Variants in PTPRN2 observed in about 807,000 individuals in gnomAD.
PTPRN2 encodes protein tyrosine phosphatase receptor type N2.
PTPRN2 carries 74 observed loss-of-function variants against 118.8 expected under a neutral mutation model. That is an observed-to-expected ratio of 0.62 (90% CI 0.52 to 0.76). The LOEUF (loss-of-function observed/expected upper bound fraction) is 0.76. Ranked by LOEUF, PTPRN2 falls within the 30% of genes least tolerant of loss-of-function variation. The pLI is 0.00. For synonymous variants in PTPRN2, 641 were observed against 608.0 expected, an observed-to-expected ratio of 1.05 and a Z score of -0.80; for missense variants, 1,481 against 1,394.4, an observed-to-expected ratio of 1.06 and a Z score of -0.99.
At chr7:157,840,048 AGT>A (rs1170882932) in intron 12 of PTPRN2, among the ~76,000 whole-genome samples, 2 of 131,664 alleles carry the variant, frequency 1.5e-5, no homozygotes, top group Admixed American at 1.6e-4. Flanking sequence ...GACCACATGG[AGT>A]GTGTGTGACT....
chr7:158,397,663 A>G (rs912278249), intron 2 of PTPRN2, among the ~76,000 whole-genome samples: 2 of 151,644 alleles, frequency 1.3e-5, no homozygotes, highest in Non-Finnish European at 1.5e-5. Context: ...CCCCCCAGTC[A>G]CTCTGTGCCT....
chr7:157,733,309 T>C (rs1194268758), intron 12 of PTPRN2, among the ~76,000 whole-genome samples: 5 of 34,392 alleles, frequency 1.5e-4, no homozygotes, highest in Admixed American at 2.7e-4. Flanking sequence ...CCCTTTCCCG[T>C]CCCACGCGCC....
intron 5 of PTPRN2, among the ~76,000 whole-genome samples, chr7:158,188,534 C>T (rs1237677959): frequency 1.5e-5 from 1 of 66,730 alleles, no homozygotes; most frequent in Non-Finnish European, 2.7e-5. Flanking sequence ...CGCTCGCCGC[C>T]TGATGGGGAA....
intron 12 of PTPRN2, among the ~76,000 whole-genome samples, chr7:157,889,639 C>T (rs1296902562): frequency 1.3e-5 from 2 of 152,226 alleles, no homozygotes; most frequent in South Asian, 2.1e-4. Flanking sequence ...CATGCATGCC[C>T]GTGTCTCCCC....
intron 9 of PTPRN2, among the ~76,000 whole-genome samples, chr7:158,113,551 A>G (rs944910562): frequency 6.6e-6 from 1 of 152,080 alleles, no homozygotes; most frequent in Non-Finnish European, 1.5e-5. Flanking sequence ...CATGACTTAC[A>G]CTCAGGGACC....
chr7:158,065,594 GGGCTGCCACCACCACAC>G (rs2128910489), intron 11 of PTPRN2, among the ~76,000 whole-genome samples: 1 of 152,314 alleles, frequency 6.6e-6, no homozygotes, highest in Admixed American at 6.5e-5. Flanking sequence ...GGGAGGGCAG[GGGCTGCCACCACCACAC>G]GGCCCCCACG....
intron 11 of PTPRN2, among the ~76,000 whole-genome samples, chr7:158,043,073 G>A (rs556082362): frequency 8.5e-5 from 13 of 152,226 alleles, no homozygotes; most frequent in South Asian, 4.2e-4. Context: ...CCTGATGGGC[G>A]TGGTGGCCAT....
At chr7:158,417,469 G>GTGTA (rs989298569) in intron 2 of PTPRN2, among the ~76,000 whole-genome samples, 8 of 149,254 alleles carry the variant, frequency 5.4e-5, no homozygotes, top group African/African-American at 2.0e-4. Context: ...TGTTGTCATG[G>GTGTA]TGTACTACAT....
rs1169044626 is a variant in PTPRN2, at chr7:158,570,672, T to A, written c.112+16886A>T. On this transcript the variant is annotated intron_variant, in intron 1 of 22. Transcript: ENST00000389418. This position sits in a 1 kb window ranked among gnomAD's most constrained non-coding sequence, Gnocchi z 4.5. ...CGGCGTGTCTCCGCCGTAACACGTGTATACCGGCTCAGCACGCGGCTGGGT... is the reference window on the plus strand; with the variant it reads ...CGGCGTGTCTCCGCCGTAACACGTGAATACCGGCTCAGCACGCGGCTGGGT... Among the ~76,000 whole-genome samples the A allele has an allele frequency of 6.6e-6, 1 of 152,226 alleles. No homozygotes were observed. Among genetic ancestry groups the A allele is most frequent in the Non-Finnish European group, 1.5e-5 (1 of 68,036 alleles).
chr7:157,745,100 G>A (rs1800843921), intron 12 of PTPRN2, among the ~76,000 whole-genome samples: 1 of 152,200 alleles, frequency 6.6e-6, no homozygotes, highest in Non-Finnish European at 1.5e-5. Context: ...CTTGCACGGA[G>A]CTAAGATTTA....
chr7:157,663,049 G>A (rs982863815), intron 13 of PTPRN2, among the ~76,000 whole-genome samples: 1 of 151,890 alleles, frequency 6.6e-6, no homozygotes, highest in East Asian at 2.0e-4. Context: ...GCCTCACGCC[G>A]TATCTCAGGA....
chr7:158,081,205 C>T, intron 11 of PTPRN2, 93 bp downstream of exon 11: 5 of 1,285,034 alleles, frequency 3.9e-6, no homozygotes, highest in Non-Finnish European at 5.6e-6. Context: ...GTGTGAGTCT[C>T]TCTCTGCCCT....
At chr7:157,937,186 T>C (rs1417907291) in intron 11 of PTPRN2, among the ~76,000 whole-genome samples, 1 of 152,196 alleles carries the variant, frequency 6.6e-6, no homozygotes, top group Non-Finnish European at 1.5e-5. Flanking sequence ...GCCGTGAGCA[T>C]GGCTGTGGTG....
intron 3 of PTPRN2, among the ~76,000 whole-genome samples, chr7:158,230,412 C>T (rs1489305045): frequency 6.6e-6 from 1 of 152,052 alleles, no homozygotes; most frequent in African/African-American, 2.4e-5. Flanking sequence ...AGAATGAAGC[C>T]CAAAAGACAA....
chr7:158,502,162 G>A (rs2129446420), intron 1 of PTPRN2, among the ~76,000 whole-genome samples: 1 of 152,278 alleles, frequency 6.6e-6, no homozygotes, highest in Non-Finnish European at 1.5e-5. Flanking sequence ...TTGCTCTGGG[G>A]TAGGCAAACC....
intron 9 of PTPRN2, among the ~76,000 whole-genome samples, chr7:158,113,706 A>C (rs1474235265): frequency 6.6e-6 from 1 of 152,176 alleles, no homozygotes; most frequent in Admixed American, 6.5e-5. Flanking sequence ...CTGGGGACAG[A>C]GAGACGCATT....
intron 3 of PTPRN2, among the ~76,000 whole-genome samples, chr7:158,285,700 G>C (rs999524882): frequency 1.3e-5 from 2 of 152,250 alleles, no homozygotes; most frequent in African/African-American, 2.4e-5. Context: ...AACCTTGTCT[G>C]ATCAGGGTGG....
At chr7:158,527,120 C>T (rs376334516) in intron 1 of PTPRN2, among the ~76,000 whole-genome samples, 3 of 152,112 alleles carry the variant, frequency 2.0e-5, no homozygotes, top group Non-Finnish European at 2.9e-5. Context: ...AGCATCCCTC[C>T]GAGGAGCATC....
At chr7:158,167,368 C>G (rs1393823426) in intron 5 of PTPRN2, 77 bp from the exon 6 acceptor site, 1 of 1,512,548 alleles carries the variant, frequency 6.6e-7, no homozygotes, top group African/African-American at 1.4e-5. Context: ...GCCCTTCAGT[C>G]TCAGTTTTCA....
Sources: allele counts gnomAD v4.1 joint callset (sites outside exome capture counted in the v4.1 genomes callset), GRCh38; gene constraint gnomAD v4.1.1; non-coding constraint Gnocchi (gnomAD v3.1); transcripts MANE v1.5; gene names NCBI Gene and HGNC (gene_info 2026-07-23, HGNC 2026-07-21).